Variants in MATN2 observed in about 807,000 individuals in gnomAD.
MATN2 encodes the protein matrilin 2, also known as matrilin-2.
In MATN2, 69 loss-of-function variants were observed where a neutral mutation model predicts 103.2. The observed-to-expected ratio is 0.67, with a 90% CI of 0.55 to 0.82. MATN2 has a LOEUF of 0.82. MATN2 is among the 40% of genes least tolerant of loss of function. The probability of loss-of-function intolerance (pLI) is 0.00; values close to 1 mark genes in which losing one functional copy is unlikely to be tolerated. For missense variants in MATN2, 1,023 were observed against 1,211.5 expected (o/e 0.84, Z 2.31); for synonymous variants, 429 against 450.2 (o/e 0.95, Z 0.60).
intron 6 of MATN2, among the ~76,000 whole-genome samples, chr8:97,985,051 C>A (rs1477800932): frequency 6.6e-6 from 1 of 152,070 alleles, no homozygotes; most frequent in Admixed American, 6.6e-5. Context: ...ATTTGTGTTG[C>A]TATAAAGGAA....
At chr8:98,031,804 A>AC (rs892230580) in intron 15 of MATN2, 1 of 153,946 alleles carries the variant, frequency 6.5e-6, no homozygotes, top group African/African-American at 2.4e-5. Flanking sequence ...GCTGTGTCTT[A>AC]CCCCTCTAGG....
chr8:97,902,804 C>T (rs990360323), intron 2 of MATN2, among the ~76,000 whole-genome samples: 1 of 152,190 alleles, frequency 6.6e-6, no homozygotes, highest in Non-Finnish European at 1.5e-5. Context: ...CTGCTGGGCC[C>T]ATGGTGTGGG....
Position 98,007,347 on chromosome 8 carries a change from G to C in MATN2, c.1450+120G>C. On this transcript the variant is annotated intron_variant, in intron 9 of 18. Transcript: ENST00000254898. This position sits in a 1 kb window ranked among gnomAD's most constrained non-coding sequence, Gnocchi z 4.2. ...TCCCCTGCCCCTTGCTCTGCTCCAG[G>C]AGATAGTGAGGATGTCCACTGGGAC... The C allele has an allele frequency of 6.4e-7, 1 of 1,554,786 alleles. No homozygotes were observed. The highest frequency in any genetic ancestry group is 8.8e-7 in the Non-Finnish European group (1 of 1,139,258).
At position 97,886,054 on chromosome 8, in the gene MATN2, T is replaced by A. The variant is rs1175061518; in HGVS notation, c.-26-2021T>A. On this transcript the variant is annotated intron_variant, in intron 1 of 18. Transcript: ENST00000254898. ...GTTAGATCCATTAGATTCTTTTTTT[T>A]AAATTGCTGCTGCACAAATTAAGGC... is the stretch of plus-strand genomic sequence containing the variant. 1.6e-4 allele frequency among the ~76,000 whole-genome samples: 24 copies of A among 152,184 alleles called. 1 individual carries two copies. Among genetic ancestry groups the A allele is most frequent in the Admixed American group, 1.4e-3 (22 of 15,266 alleles).
At chr8:97,985,823 T>G (rs1344356844) in intron 6 of MATN2, among the ~76,000 whole-genome samples, 1 of 152,208 alleles carries the variant, frequency 6.6e-6, no homozygotes. Context: ...TCTGCCTTGG[T>G]CTCCCAAGTT....
Position 98,003,791 on chromosome 8 carries a change from T to TA in MATN2, c.1327+9dup. On this transcript the variant is annotated intron_variant, in intron 8 of 18. Coordinates refer to ENST00000254898, the MANE Select transcript of MATN2 (RefSeq NM_002380.5). ...ATGGCAAAACCTGCAGCCGTGAGTG[T>TA]ACCCTAGGGGTGGGGTGCTGATGGA... The TA allele has an allele frequency of 6.2e-7, 1 of 1,613,562 alleles. No individual in the cohort carries two copies. The highest frequency in any genetic ancestry group is 8.5e-7 in the Non-Finnish European group (1 of 1,179,646).
chr8:97,977,967 C>T (rs1586114978), intron 5 of MATN2, among the ~76,000 whole-genome samples: 1 of 152,204 alleles, frequency 6.6e-6, no homozygotes, highest in East Asian at 1.9e-4. Context: ...TACCCACTCC[C>T]CCACTGACCC....
At chr8:98,026,737 G>A (rs1403628452) in intron 13 of MATN2, among the ~76,000 whole-genome samples, 1 of 152,174 alleles carries the variant, frequency 6.6e-6, no homozygotes, top group African/African-American at 2.4e-5. Context: ...GGAACTCACA[G>A]ACTGGAGGAG....
At chr8:97,955,730 A>G (rs1467307708) in intron 4 of MATN2, among the ~76,000 whole-genome samples, 1 of 152,154 alleles carries the variant, frequency 6.6e-6, no homozygotes, top group Non-Finnish European at 1.5e-5. Flanking sequence ...AGCTTACAAG[A>G]GTAGGTAAGA....
intron 5 of MATN2, among the ~76,000 whole-genome samples, chr8:97,976,509 A>G (rs1352613478): frequency 6.6e-6 from 1 of 152,222 alleles, no homozygotes; most frequent in Non-Finnish European, 1.5e-5. Context: ...TTTTATTGCT[A>G]TGCTAAATAT....
At chr8:98,029,922 T>A (rs1813946813) in intron 14 of MATN2, among the ~76,000 whole-genome samples, 2 of 152,208 alleles carry the variant, frequency 1.3e-5, no homozygotes, top group African/African-American at 2.4e-5. Context: ...TTCCTGACTT[T>A]AGGGGTTTCC....
intron 1 of MATN2, among the ~76,000 whole-genome samples, chr8:97,884,172 C>T (rs1187408724): frequency 2.1e-5 from 3 of 145,386 alleles, no homozygotes; most frequent in Non-Finnish European, 4.5e-5. Flanking sequence ...TTTGCTTTTG[C>T]TCTTGTTGCC....
chr8:97,935,979 CTG>C (rs1482783346), intron 3 of MATN2, among the ~76,000 whole-genome samples: 2 of 152,174 alleles, frequency 1.3e-5, no homozygotes, highest in African/African-American at 4.8e-5. Context: ...TTCTCTTTGG[CTG>C]TCTGGCTGTA....
At chr8:98,020,950 A>G (rs536127901) in intron 12 of MATN2, 26 of 319,506 alleles carry the variant, frequency 8.1e-5, no homozygotes, top group African/African-American at 5.1e-4. Flanking sequence ...GCTAAAGCAC[A>G]TCTAATAATA....
chr8:97,945,705 G>GAAAAAAAA (rs71303437), intron 4 of MATN2, among the ~76,000 whole-genome samples: 2 of 119,850 alleles, frequency 1.7e-5, no homozygotes, highest in African/African-American at 6.3e-5. Context: ...ACACACTATA[G>GAAAAAAAA]AAAAAAAAAA....
intron 2 of MATN2, among the ~76,000 whole-genome samples, chr8:97,905,643 G>A (rs1350575707): frequency 5.9e-5 from 9 of 152,066 alleles, no homozygotes; most frequent in African/African-American, 1.7e-4. Context: ...TTGGACTACT[G>A]TGGGTTTTTT....
Position 98,007,510 on chromosome 8 carries a change from T to C in MATN2, c.1482T>C (p.Gly494=). ...ATTACTGCCTGCTGAGTGACCATGGTTGTGAATACTCCTGTGTCAACATGG... is the reference window on the plus strand; with the variant it reads ...ATTACTGCCTGCTGAGTGACCATGGCTGTGAATACTCCTGTGTCAACATGG... ...RVDYCLLSDH[G]CEYSCVNMDR... is the part of the protein sequence containing the mutation. The change falls in exon 10 of 19, where the codon GGT becomes GGC. Residue 494 remains glycine, a synonymous_variant. Transcript: ENST00000254898. This position sits in a 1 kb window ranked among gnomAD's most constrained non-coding sequence, Gnocchi z 4.2. 1 of 1,613,356 alleles carries C rather than the reference T, an allele frequency of 6.2e-7. No individual in the cohort carries two copies. The highest frequency in any genetic ancestry group is 8.5e-7 in the Non-Finnish European group (1 of 1,179,366).
rs1181993637 is a variant in MATN2, at chr8:98,030,488, G to C, written c.2383G>C (p.Gly795Arg). Residue 795 changes from glycine to arginine, a missense_variant, in exon 15 of 19, where the codon GGA becomes CGA. By Grantham distance (125) the Gly-to-Arg change is moderately radical (BLOSUM62 -2). Coordinates refer to ENST00000254898, the MANE Select transcript of MATN2 (RefSeq NM_002380.5). ...TATCACTATGTATGCTGTTGGGGTA[G>C]GAAAAGCCATTGAGGAGGAACTACA... ...NGITMYAVGV[G>R]KAIEEELQEI... The C allele has an allele frequency of 3.7e-6, 6 of 1,613,778 alleles. No homozygotes were observed. The highest frequency in any genetic ancestry group is 4.2e-6 in the Non-Finnish European group (5 of 1,179,820).
intron 4 of MATN2, among the ~76,000 whole-genome samples, chr8:97,948,427 A>T (rs1244009613): frequency 6.6e-6 from 1 of 151,006 alleles, no homozygotes; most frequent in Non-Finnish European, 1.5e-5. Context: ...AATTTTGTTT[A>T]AACTACCTGA....
Sources: allele counts gnomAD v4.1 joint callset (sites outside exome capture counted in the v4.1 genomes callset), GRCh38; gene constraint gnomAD v4.1.1; non-coding constraint Gnocchi (gnomAD v3.1); transcripts MANE v1.5; gene names NCBI Gene and HGNC (gene_info 2026-07-23, HGNC 2026-07-21).